Variants in FAAH2 observed in about 807,000 individuals in gnomAD.
FAAH2 encodes fatty-acid amide hydrolase 2.
Under a neutral mutation model 36.9 loss-of-function variants are expected in FAAH2, and 60 were observed. That is an observed-to-expected ratio of 1.63 (90% CI 1.32 to 2.02). FAAH2 has a LOEUF of 2.02. Among genes scored for constraint, FAAH2 ranks in the 30% most tolerant of loss-of-function variants. The pLI, the probability that FAAH2 is intolerant of heterozygous loss-of-function variation, is 0.00. For synonymous variants in FAAH2, 214 were observed against 143.8 expected (o/e 1.49, Z -3.49); for missense variants, 689 against 397.5 (o/e 1.73, Z -6.23).
chrX:57,264,762 G>A, the FAAH2 span, among the ~76,000 whole-genome samples: 3 of 112,346 alleles, frequency 2.7e-5, no homozygotes, highest in African/African-American at 6.5e-5. Flanking sequence ...ATTCACAATA[G>A]CAAAGACATG....
At chrX:57,163,388 C>T in the FAAH2 span, among the ~76,000 whole-genome samples, 1 of 111,942 alleles carries the variant, frequency 8.9e-6, no homozygotes, top group Admixed American at 9.4e-5. Context: ...GTGGGCTCCA[C>T]CCAGTTCGAG....
the FAAH2 span, among the ~76,000 whole-genome samples, chrX:57,255,271 G>T: frequency 9.0e-6 from 1 of 111,615 alleles, no homozygotes; most frequent in Non-Finnish European, 1.9e-5. Context: ...TTCTGGCATT[G>T]AGGCAATAAT....
chrX:57,432,038 G>A lies in FAAH2; in HGVS notation c.1116+1G>A. 2.5e-6 allele frequency: 3 copies of A among 1,190,289 alleles called. No individual in the cohort carries two copies. Among genetic ancestry groups the A allele is most frequent in the Non-Finnish European group, 3.4e-6 (3 of 883,683 alleles). ...GTCAGCAAAGGGACATGATGGGAAG[G>A]TATTTTTACCTCTTTCTTTACTTAC... On this transcript the variant is annotated splice_donor_variant, in intron 8 of 10. Transcript: ENST00000374900. LOFTEE classifies it high-confidence loss of function.
the FAAH2 span, chrX:57,134,628 C>T: frequency 1.6e-4 from 18 of 111,376 alleles, no homozygotes; most frequent in Admixed American, 1.7e-3. Context: ...GACTGCTGTA[C>T]CTGAGTTCAG....
chrX:57,355,880 A>T (rs1289882406), intron 5 of FAAH2, among the ~76,000 whole-genome samples: 1 of 110,987 alleles, frequency 9.0e-6, no homozygotes, highest in Non-Finnish European at 1.9e-5. Context: ...TAGATGAAAA[A>T]TTTTCAGTCT....
chrX:57,148,406 C>A, the FAAH2 span, among the ~76,000 whole-genome samples: 1 of 111,466 alleles, frequency 9.0e-6, no homozygotes, highest in Admixed American at 9.5e-5. Context: ...ATGGAATGTT[C>A]TTCCATTTGT....
chrX:57,134,735 T>A, the FAAH2 span: 2 of 111,789 alleles, frequency 1.8e-5, no homozygotes, highest in African/African-American at 6.5e-5. Context: ...CTACCAAGAT[T>A]GCTTATCTAG....
At chrX:57,281,740 C>T (rs946410814), upstream of FAAH2, among the ~76,000 whole-genome samples, 9 of 111,487 alleles carry the variant, frequency 8.1e-5, no homozygotes, top group Admixed American at 7.7e-4. Context: ...TTCAAGTAGG[C>T]TGTGGTGTCT....
At chrX:57,163,433 G>A in the FAAH2 span, among the ~76,000 whole-genome samples, 3 of 112,003 alleles carry the variant, frequency 2.7e-5, no homozygotes, top group Non-Finnish European at 5.6e-5. Context: ...ATCAAGCCTG[G>A]GCAATGGAGG....
intron 4 of FAAH2, among the ~76,000 whole-genome samples, chrX:57,340,754 CAT>C (rs2053666485): frequency 9.0e-6 from 1 of 110,898 alleles, no homozygotes; most frequent in Non-Finnish European, 1.9e-5. Flanking sequence ...GATTAGAACA[CAT>C]AGACACATGG....
intron 2 of FAAH2, among the ~76,000 whole-genome samples, chrX:57,295,102 G>A (rs757719807): frequency 1.1e-4 from 12 of 111,738 alleles, no homozygotes; most frequent in Non-Finnish European, 2.1e-4. Context: ...TGTGAAGAGG[G>A]TGTTGCCTGG....
chrX:57,479,569 G>T (rs1433409642), intron 10 of FAAH2, among the ~76,000 whole-genome samples: 3 of 111,425 alleles, frequency 2.7e-5, no homozygotes, highest in Non-Finnish European at 5.6e-5. Flanking sequence ...TCTTGTGCCA[G>T]TTTTCAAAGG....
intron 3 of FAAH2, among the ~76,000 whole-genome samples, chrX:57,325,267 T>C (rs985624020): frequency 9.9e-5 from 11 of 111,578 alleles, no homozygotes; most frequent in East Asian, 5.6e-4. Context: ...ATTTTTGCAT[T>C]GATGTTCATC....
At chrX:57,125,886 A>G in the FAAH2 span, among the ~76,000 whole-genome samples, 1 of 112,273 alleles carries the variant, frequency 8.9e-6, no homozygotes, top group African/African-American at 3.2e-5. Context: ...AAATGTGTTT[A>G]ACTATTTGTA....
chrX:57,463,523 A>T (rs2056996900), intron 10 of FAAH2, among the ~76,000 whole-genome samples: 1 of 111,469 alleles, frequency 9.0e-6, no homozygotes. Context: ...TAACCATCTG[A>T]TCATCGACAA....
At chrX:57,346,275 G>T (rs2053819970) in intron 5 of FAAH2, among the ~76,000 whole-genome samples, 1 of 111,555 alleles carries the variant, frequency 9.0e-6, no homozygotes, top group African/African-American at 3.3e-5. Context: ...AGGTCAAAAA[G>T]AACTTGTTTT....
At chrX:57,210,492 T>C in the FAAH2 span, among the ~76,000 whole-genome samples, 4 of 111,906 alleles carry the variant, frequency 3.6e-5, no homozygotes, top group African/African-American at 1.3e-4. Context: ...TATAATATGA[T>C]TAATAAAAAG....
the FAAH2 span, among the ~76,000 whole-genome samples, chrX:57,271,673 G>T: frequency 1.8e-5 from 2 of 112,120 alleles, no homozygotes; most frequent in African/African-American, 6.5e-5. Context: ...CAGCAGAGGG[G>T]CCTGACTGTT....
chrX:57,440,432 G>T (rs1184323835), intron 8 of FAAH2, among the ~76,000 whole-genome samples: 1 of 111,200 alleles, frequency 9.0e-6, no homozygotes, highest in Non-Finnish European at 1.9e-5. Context: ...GAATGCTTGT[G>T]ATTTTTGCGC....
Sources: gnomAD v4.1 joint callset for allele counts (sites outside exome capture counted in the v4.1 genomes callset) on GRCh38, gnomAD v4.1.1 for gene constraint, MANE v1.5 for transcripts, NCBI Gene and HGNC (gene_info 2026-07-23, HGNC 2026-07-21) for gene names.